CNBD1: variants seen among roughly 807,000 people sequenced by gnomAD.
CNBD1 encodes cyclic nucleotide-binding domain-containing protein 1.
Under a neutral mutation model 54.4 loss-of-function variants are expected in CNBD1, and 71 were observed. The observed-to-expected ratio is 1.30, with a 90% CI of 1.08 to 1.59. The LOEUF is 1.59. Ranked by LOEUF, CNBD1 falls within the 40% of genes most tolerant of loss-of-function variation. The pLI, the probability that CNBD1 is intolerant of heterozygous loss-of-function variation, is 0.00. For missense variants in CNBD1, 659 were observed against 518.0 expected (o/e 1.27, Z -2.64); for synonymous variants, 182 against 170.7 (o/e 1.07, Z -0.51).
intron 4 of CNBD1, among the ~76,000 whole-genome samples, chr8:86,950,832 G>A (rs1367942807): frequency 1.3e-5 from 2 of 152,100 alleles, no homozygotes; most frequent in Admixed American, 1.3e-4. Context: ...TTATTGATCT[G>A]TTCAGTTTTT....
Position 87,005,122 on chromosome 8 carries a change from G to A in CNBD1, c.431+65368G>A, listed in dbSNP as rs577998052. On this transcript the variant is annotated intron_variant, in intron 4 of 10. Coordinates refer to ENST00000518476, the MANE Select transcript of CNBD1 (RefSeq NM_173538.3). The stretch of plus-strand genomic sequence containing the variant: ...GTCTCAGCAGGGCACGGTGGCTCAC[G>A]CTTGTAATCCCAGCACTTTGGGAGG... 6.6e-5 allele frequency among the ~76,000 whole-genome samples: 10 copies of A among 151,922 alleles called. No individual in the cohort carries two copies. The East Asian group carries it at 1.9e-3, about 29-fold the overall frequency.
chr8:87,097,003 C>A (rs1400791636), intron 4 of CNBD1, among the ~76,000 whole-genome samples: 1 of 152,140 alleles, frequency 6.6e-6, no homozygotes, highest in Non-Finnish European at 1.5e-5. Context: ...GCTTCCTTAA[C>A]TACATAGCTT....
intron 8 of CNBD1, among the ~76,000 whole-genome samples, chr8:87,321,240 T>C (rs932769228): frequency 1.3e-5 from 2 of 149,782 alleles, no homozygotes; most frequent in African/African-American, 4.9e-5. Flanking sequence ...TTTAATTTTT[T>C]GAAGAATCTT....
intron 4 of CNBD1, among the ~76,000 whole-genome samples, chr8:86,958,082 A>G (rs1321947239): frequency 2.0e-5 from 3 of 152,178 alleles, no homozygotes; most frequent in Non-Finnish European, 4.4e-5. Flanking sequence ...TCATTTCATT[A>G]TGTACCCAGT....
intron 8 of CNBD1, among the ~76,000 whole-genome samples, chr8:87,314,029 G>A (rs918100495): frequency 6.6e-6 from 1 of 151,870 alleles, no homozygotes; most frequent in African/African-American, 2.4e-5. Flanking sequence ...CAAAGCACAT[G>A]TAATAATAGC....
At chr8:86,982,500 C>T (rs570766678) in intron 4 of CNBD1, among the ~76,000 whole-genome samples, 2 of 152,162 alleles carry the variant, frequency 1.3e-5, no homozygotes, top group East Asian at 3.9e-4. Context: ...TGTTGAGGTT[C>T]CTTTATTTCC....
Position 86,952,348 on chromosome 8 carries a change from T to C in CNBD1, c.431+12594T>C. 1.3e-5 allele frequency among the ~76,000 whole-genome samples: 2 copies of C among 152,170 alleles called. 1 individual carries two copies. Among genetic ancestry groups the C allele is most frequent in the Non-Finnish European group, 2.9e-5 (2 of 68,034 alleles). ...GTTATTTCGGGTTCACAGTGTGAAT[T>C]ATCTGATAGTGGATTTTGCCTATAT... On this transcript the variant is annotated intron_variant, in intron 4 of 10. Coordinates refer to ENST00000518476, the MANE Select transcript of CNBD1 (RefSeq NM_173538.3).
chr8:87,282,447 A>T (rs1183899516), intron 6 of CNBD1, among the ~76,000 whole-genome samples: 1 of 151,620 alleles, frequency 6.6e-6, no homozygotes, highest in Non-Finnish European at 1.5e-5. Flanking sequence ...GTCTAAAATT[A>T]TTATCTTGTT....
In CNBD1 at chr8:86,866,530, C is replaced by T. The variant is rs1239773964; in HGVS notation, c.35C>T (p.Ser12Phe). ...TCTTCTCTTCCAGCAGCTATTTTGTCTCACATGACAGCTATTAACAATGTG... is the reference window on the plus strand; with the variant it reads ...TCTTCTCTTCCAGCAGCTATTTTGTTTCACATGACAGCTATTAACAATGTG... ...PMSSLPAAIL[S>F]HMTAINNVPP... The change falls in exon 1 of 11, where the codon TCT (serine) becomes TTT (phenylalanine). Residue 12 changes from serine (S) to phenylalanine (F), a missense_variant. Physicochemically the swap from Ser to Phe is radical, Grantham distance 155. Transcript: ENST00000518476. The T allele has an allele frequency of 1.2e-6, 2 of 1,612,234 alleles. No homozygotes were observed. Among genetic ancestry groups the T allele is most frequent in the Non-Finnish European group, 1.7e-6 (2 of 1,179,310 alleles).
intron 4 of CNBD1, among the ~76,000 whole-genome samples, chr8:86,957,446 A>G (rs1328616392): frequency 6.6e-6 from 1 of 152,108 alleles, no homozygotes; most frequent in Non-Finnish European, 1.5e-5. Context: ...TCGGCTGTGA[A>G]TCCAGCTGGT....
chr8:87,274,596 G>A lies in CNBD1; in HGVS notation c.772-10082G>A, dbSNP rs551529801. Among the ~76,000 whole-genome samples, 54 of 142,356 alleles carry A rather than the reference G, an allele frequency of 3.8e-4. 2 individuals are homozygous for A. The highest frequency in any genetic ancestry group is 1.3e-3 in the African/African-American group (47 of 36,098). The allele number at this position is 142,356 out of a possible 152,430, so 93.4% of individuals were successfully genotyped here. A position where few individuals can be genotyped will look rare whatever the true frequency, so the allele number is the denominator to read the frequency against. On this transcript the variant is annotated intron_variant, in intron 6 of 10. Coordinates refer to ENST00000518476, the MANE Select transcript of CNBD1 (RefSeq NM_173538.3). ...TGAGAAGTGTCTGTTCATGTCCTTCGCCCACTTTTTGATGGGGTTGTTTGT... is the reference window on the plus strand; with the variant it reads ...TGAGAAGTGTCTGTTCATGTCCTTCACCCACTTTTTGATGGGGTTGTTTGT...
chr8:87,013,679 G>A (rs1586198247), intron 4 of CNBD1, among the ~76,000 whole-genome samples: 1 of 146,664 alleles, frequency 6.8e-6, no homozygotes, highest in Non-Finnish European at 1.5e-5. Context: ...TTCATCTCAT[G>A]GCTAAAGTAC....
chr8:87,380,481 G>A (rs552212156), intron 10 of CNBD1, among the ~76,000 whole-genome samples: 5 of 151,860 alleles, frequency 3.3e-5, no homozygotes, highest in African/African-American at 1.2e-4. Flanking sequence ...TCTTTCTGCA[G>A]ATTGATTTGG....
chr8:87,151,390 C>A (rs886233081), intron 4 of CNBD1, among the ~76,000 whole-genome samples: 1 of 152,110 alleles, frequency 6.6e-6, no homozygotes, highest in Non-Finnish European at 1.5e-5. Context: ...AGTGGGAAAG[C>A]AACATATAGT....
chr8:87,193,277 C>T (rs1326360795), intron 4 of CNBD1, among the ~76,000 whole-genome samples: 1 of 152,146 alleles, frequency 6.6e-6, no homozygotes, highest in Non-Finnish European at 1.5e-5. Flanking sequence ...ACTCAAACAG[C>T]AGGAGGACTT....
chr8:87,396,054 C>T (rs1268886082), intron 2 of CNBD1, among the ~76,000 whole-genome samples: 1 of 151,816 alleles, frequency 6.6e-6, no homozygotes, highest in South Asian at 2.1e-4. Context: ...TACTCAGGCT[C>T]GGGTATGTCT....
intron 4 of CNBD1, among the ~76,000 whole-genome samples, chr8:87,024,147 G>A (rs1425154456): frequency 6.7e-6 from 1 of 149,766 alleles, no homozygotes; most frequent in African/African-American, 2.4e-5. Flanking sequence ...GCTGAGGCAG[G>A]AGAATGGTGT....
At chr8:87,317,025 T>C (rs1269062516) in intron 8 of CNBD1, among the ~76,000 whole-genome samples, 1 of 151,800 alleles carries the variant, frequency 6.6e-6, no homozygotes, top group East Asian at 1.9e-4. Flanking sequence ...TAGGTCTCAT[T>C]TTTCTTCTTT....
At chr8:86,975,004 G>GTCCCAATA (rs1808309924) in intron 4 of CNBD1, among the ~76,000 whole-genome samples, 1 of 151,736 alleles carries the variant, frequency 6.6e-6, no homozygotes, top group Non-Finnish European at 1.5e-5. Context: ...AAATCTATTG[G>GTCCCAATA]GAAACTCCTT....
Sources: gnomAD v4.1 joint callset for allele counts (sites outside exome capture counted in the v4.1 genomes callset) on GRCh38, gnomAD v4.1.1 for gene constraint, MANE v1.5 for transcripts, NCBI Gene and HGNC (gene_info 2026-07-23, HGNC 2026-07-21) for gene names.